FAM117A: variants seen among roughly 807,000 people sequenced by gnomAD.
The protein encoded by FAM117A is family with sequence similarity 117 member A.
FAM117A carries 21 observed loss-of-function variants against 44.1 expected under a neutral mutation model. The observed-to-expected ratio is 0.48, with a 90% CI of 0.34 to 0.69. The LOEUF (loss-of-function observed/expected upper bound fraction) is 0.69. FAM117A is among the 30% of genes least tolerant of loss of function. The pLI, the probability that FAM117A is intolerant of heterozygous loss-of-function variation, is 0.01. For synonymous variants in FAM117A, 220 were observed against 238.3 expected, an observed-to-expected ratio of 0.92 and a Z score of 0.71; for missense variants, 498 against 589.9, an observed-to-expected ratio of 0.84 and a Z score of 1.61.
chr17:49,752,802 T>G (rs1282389323), intron 1 of FAM117A, among the ~76,000 whole-genome samples: 1 of 152,012 alleles, frequency 6.6e-6, no homozygotes, highest in Admixed American at 6.5e-5. Context: ...GTATTTATGG[T>G]GTGGATAGTC....
intron 2 of FAM117A, among the ~76,000 whole-genome samples, chr17:49,726,539 G>A (rs1267406837): frequency 2.0e-5 from 3 of 152,232 alleles, no homozygotes; most frequent in African/African-American, 7.2e-5. Context: ...AGGCAGGAGT[G>A]TACACAGGTG....
At chr17:49,740,163 GGC>G (rs1473111848) in intron 1 of FAM117A, among the ~76,000 whole-genome samples, 2 of 152,174 alleles carry the variant, frequency 1.3e-5, no homozygotes, top group African/African-American at 4.8e-5. Flanking sequence ...CATGGCAGAA[GGC>G]ACACAAACGG....
At chr17:49,720,297 A>G (rs758286408) in intron 4 of FAM117A, 29 bp downstream of exon 4, 1 of 1,571,566 alleles carries the variant, frequency 6.4e-7, no homozygotes, top group Admixed American at 1.7e-5. Flanking sequence ...AGGAGAACAG[A>G]GGGGAGAGGG....
intron 1 of FAM117A, among the ~76,000 whole-genome samples, chr17:49,742,606 A>G (rs977523698): frequency 6.6e-6 from 1 of 152,322 alleles, no homozygotes; most frequent in Admixed American, 6.5e-5. Context: ...TTTGGGATCT[A>G]CATGGCCTTT....
chr17:49,724,869 GAAAA>G (rs1371261333), intron 2 of FAM117A, among the ~76,000 whole-genome samples: 1 of 145,784 alleles, frequency 6.9e-6, no homozygotes, highest in Non-Finnish European at 1.5e-5. Context: ...AAAAAGAAAA[GAAAA>G]AGAAAGGGAT....
chr17:49,761,154 G>C (rs149884158), intron 1 of FAM117A, among the ~76,000 whole-genome samples: 1,858 of 152,314 alleles, frequency 0.012, 51 homozygotes, highest in African/African-American at 0.043. Flanking sequence ...CTTTGAGATG[G>C]GCAAGAGAAA....
intron 1 of FAM117A, among the ~76,000 whole-genome samples, chr17:49,769,438 C>T (rs2073754641): frequency 1.3e-5 from 2 of 152,178 alleles, no homozygotes; most frequent in Admixed American, 6.5e-5. Flanking sequence ...GTGGCTCACG[C>T]CTGTAATCCT....
At chr17:49,745,996 G>A in intron 1 of FAM117A, among the ~76,000 whole-genome samples, 1 of 152,264 alleles carries the variant, frequency 6.6e-6, no homozygotes, top group East Asian at 1.9e-4. Context: ...CATTTCATTA[G>A]GTATAATGAT....
Position 49,772,819 on chromosome 17 carries a change from T to C in FAM117A, c.-621+15678A>G, listed in dbSNP as rs1044054042. Reference sequence around the variant, plus strand: ...GATGAGTAATTTGAAAAGTGGTCTATGGTCTGATTTCCTTTAGACCCAGGG... The same window carrying C: ...GATGAGTAATTTGAAAAGTGGTCTACGGTCTGATTTCCTTTAGACCCAGGG... On this transcript the variant is annotated intron_variant, in intron 1 of 7. Coordinates refer to the FAM117A transcript ENST00000513602. 7.9e-5 allele frequency among the ~76,000 whole-genome samples: 12 copies of C among 152,182 alleles called. 1 individual carries two copies. In the South Asian group the frequency reaches 2.5e-3, roughly 31 times the overall value.
intron 1 of FAM117A, among the ~76,000 whole-genome samples, chr17:49,771,445 C>T (rs1172334696): frequency 1.3e-5 from 2 of 151,298 alleles, no homozygotes; most frequent in South Asian, 2.1e-4. Flanking sequence ...CAGAAGATGC[C>T]GCTCTTTGGA....
intron 1 of FAM117A, among the ~76,000 whole-genome samples, chr17:49,775,966 C>T (rs550811397): frequency 1.2e-4 from 19 of 152,280 alleles, no homozygotes; most frequent in Non-Finnish European, 2.9e-5. Flanking sequence ...GATGAGAAAC[C>T]ATGGGGATTC....
At chr17:49,718,846 G>A (rs1370081390) in intron 5 of FAM117A, among the ~76,000 whole-genome samples, 1 of 151,146 alleles carries the variant, frequency 6.6e-6, no homozygotes, top group South Asian at 2.1e-4. Flanking sequence ...GCATGGTGGC[G>A]CATGCCTGTA....
At chr17:49,785,426 C>T (rs577806290) in intron 1 of FAM117A, among the ~76,000 whole-genome samples, 8 of 152,238 alleles carry the variant, frequency 5.3e-5, no homozygotes, top group South Asian at 2.1e-4. Flanking sequence ...GTGGGAGGAT[C>T]GCTTGGCCCA....
intron 1 of FAM117A, among the ~76,000 whole-genome samples, chr17:49,771,756 A>T (rs1337196975): frequency 6.6e-6 from 1 of 152,186 alleles, no homozygotes; most frequent in Non-Finnish European, 1.5e-5. Context: ...AAGTCTCTGG[A>T]GAGGGGATGC....
intron 1 of FAM117A, among the ~76,000 whole-genome samples, chr17:49,741,874 T>A (rs2073635887): frequency 6.6e-6 from 1 of 151,972 alleles, no homozygotes; most frequent in South Asian, 2.1e-4. Context: ...GATGGGTGGG[T>A]TTTGTGGGGA....
chr17:49,760,888 A>G (rs1232744142), intron 1 of FAM117A, among the ~76,000 whole-genome samples: 1 of 152,228 alleles, frequency 6.6e-6, no homozygotes, highest in East Asian at 1.9e-4. Flanking sequence ...CTACTACCCA[A>G]TAATGGCTCT....
chr17:49,770,360 G>A (rs2073757451), intron 1 of FAM117A, among the ~76,000 whole-genome samples: 3 of 150,392 alleles, frequency 2.0e-5, no homozygotes, highest in Admixed American at 1.3e-4. Flanking sequence ...AGCATGAATC[G>A]ACCTTGAAAA....
At chr17:49,748,932 T>C (rs2073664298) in intron 1 of FAM117A, among the ~76,000 whole-genome samples, 1 of 152,192 alleles carries the variant, frequency 6.6e-6, no homozygotes, top group Admixed American at 6.5e-5. Context: ...TCTGAACCTC[T>C]AGCTCTGTCT....
chr17:49,723,916 G>A (rs1444391041), intron 2 of FAM117A, among the ~76,000 whole-genome samples: 1 of 152,198 alleles, frequency 6.6e-6, no homozygotes, highest in Non-Finnish European at 1.5e-5. Flanking sequence ...TCACGAGTAA[G>A]TAGGTAACAG....
Sources: gnomAD v4.1 joint callset for allele counts (sites outside exome capture counted in the v4.1 genomes callset) on GRCh38, gnomAD v4.1.1 for gene constraint, MANE v1.5 for transcripts, NCBI Gene and HGNC (gene_info 2026-07-23, HGNC 2026-07-21) for gene names.